CCDC171: variants seen among roughly 807,000 people sequenced by gnomAD.
The protein encoded by CCDC171 is coiled-coil domain-containing protein 171.
In CCDC171, 177 loss-of-function variants were observed where a neutral mutation model predicts 168.2. The ratio of observed to expected loss-of-function variants is 1.05; its 90% CI spans 0.93 to 1.19. The LOEUF (loss-of-function observed/expected upper bound fraction) is 1.19, where lower values mean the gene tolerates loss of function less well. Ranked by LOEUF, CCDC171 falls within the 50% of genes most tolerant of loss-of-function variation. The pLI is 0.00. For synonymous variants in CCDC171, 687 were observed against 540.8 expected (o/e 1.27, Z -3.75); for missense variants, 1,991 against 1,539.0 (o/e 1.29, Z -4.91).
chr9:15,957,364 C>G (rs1255380608), intron 25 of CCDC171, among the ~76,000 whole-genome samples: 1 of 152,124 alleles, frequency 6.6e-6, no homozygotes, highest in African/African-American at 2.4e-5. Context: ...GAGACAGAGA[C>G]CTGTCACAAA....
chr9:15,903,227 T>C (rs1442003955), intron 24 of CCDC171, among the ~76,000 whole-genome samples: 1 of 152,218 alleles, frequency 6.6e-6, no homozygotes, highest in Non-Finnish European at 1.5e-5. Context: ...ACGGACAGAC[T>C]GCCTCCTCAA....
At chr9:15,593,805 G>A (rs571145938) in intron 5 of CCDC171, among the ~76,000 whole-genome samples, 21 of 151,906 alleles carry the variant, frequency 1.4e-4, no homozygotes, top group African/African-American at 4.3e-4. Context: ...TTATATATAG[G>A]TAATAGGTAA....
chr9:16,067,891 T>G, the CCDC171 span, among the ~76,000 whole-genome samples: 3 of 152,146 alleles, frequency 2.0e-5, no homozygotes, highest in South Asian at 6.2e-4. Context: ...TGAAGTCAGG[T>G]AGTGTGATGC....
At chr9:15,680,388 T>G (rs1217036665) in intron 10 of CCDC171, among the ~76,000 whole-genome samples, 1 of 152,154 alleles carries the variant, frequency 6.6e-6, no homozygotes, top group African/African-American at 2.4e-5. Context: ...TCCAAAAGTT[T>G]TAGTGATTTA....
At chr9:15,569,848 A>C (rs867789158) in intron 2 of CCDC171, among the ~76,000 whole-genome samples, 4 of 137,722 alleles carry the variant, frequency 2.9e-5, no homozygotes, top group African/African-American at 9.7e-5. Flanking sequence ...CAAACAAACA[A>C]AAAAAAAATT....
At chr9:15,799,331 T>C (rs2058709458) in intron 21 of CCDC171, among the ~76,000 whole-genome samples, 1 of 151,346 alleles carries the variant, frequency 6.6e-6, no homozygotes, top group Non-Finnish European at 1.5e-5. Flanking sequence ...GCACTTTAAA[T>C]ATGTTGTTCC....
the CCDC171 span, among the ~76,000 whole-genome samples, chr9:16,077,350 A>C: frequency 6.6e-6 from 1 of 152,146 alleles, no homozygotes; most frequent in Admixed American, 6.5e-5. Flanking sequence ...ATTGGTCCCA[A>C]TTCTCTGCTC....
intron 1 of CCDC171, among the ~76,000 whole-genome samples, chr9:16,055,977 C>T (rs1291512507): frequency 1.3e-5 from 2 of 152,208 alleles, no homozygotes; most frequent in Non-Finnish European, 2.9e-5. Context: ...AAATATTCTG[C>T]AGCCATTTAT....
Position 15,683,142 on chromosome 9 carries a change from A to G in CCDC171, c.1215+4246A>G, listed in dbSNP as rs147655387. 5.3e-5 allele frequency among the ~76,000 whole-genome samples: 8 copies of G among 152,140 alleles called. 1 individual carries two copies. In the East Asian group the frequency reaches 7.7e-4, roughly 15 times the overall value. On this transcript the variant is annotated intron_variant, in intron 10 of 25. Transcript: ENST00000380701. ...GTTACAGCTCTAGGAGAGACTTTAT[A>G]TTGAAAAGGGAATTCTAGTTCTCAG...
intron 25 of CCDC171, among the ~76,000 whole-genome samples, chr9:15,948,058 G>A (rs1322557217): frequency 6.7e-6 from 1 of 149,816 alleles, no homozygotes; most frequent in African/African-American, 2.5e-5. Flanking sequence ...TCCCACCTAT[G>A]AGTGAGAATA....
chr9:15,998,980 T>C (rs931292208), intron 3 of CCDC171, among the ~76,000 whole-genome samples: 3 of 152,146 alleles, frequency 2.0e-5, no homozygotes, highest in African/African-American at 7.2e-5. Context: ...TAAATTTTAT[T>C]TTGACACTCT....
At chr9:15,590,679 G>A (rs2041911353) in intron 4 of CCDC171, among the ~76,000 whole-genome samples, 1 of 152,130 alleles carries the variant, frequency 6.6e-6, no homozygotes, top group South Asian at 2.1e-4. Context: ...GTTGTCAATA[G>A]TCAAATATAA....
chr9:15,928,800 C>G (rs1564015105), intron 25 of CCDC171, among the ~76,000 whole-genome samples: 1 of 151,470 alleles, frequency 6.6e-6, no homozygotes, highest in East Asian at 1.9e-4. Flanking sequence ...TTTTTTGATC[C>G]TTGGCATATA....
At chr9:15,765,410 C>T (rs1349082136) in intron 18 of CCDC171, among the ~76,000 whole-genome samples, 2 of 151,990 alleles carry the variant, frequency 1.3e-5, no homozygotes, top group African/African-American at 4.8e-5. Flanking sequence ...TGGCAGATGT[C>T]AAGTCTCTGA....
chr9:15,873,041 A>G (rs1481078541), intron 23 of CCDC171, among the ~76,000 whole-genome samples: 1 of 152,072 alleles, frequency 6.6e-6, no homozygotes, highest in Non-Finnish European at 1.5e-5. Flanking sequence ...TGGTACTCAC[A>G]TCATTATAAA....
At chr9:16,012,179 G>A (rs1009506334) in intron 3 of CCDC171, among the ~76,000 whole-genome samples, 1 of 152,190 alleles carries the variant, frequency 6.6e-6, no homozygotes, top group Admixed American at 6.5e-5. Flanking sequence ...CTGAAGGAGT[G>A]TGTCTCATGT....
intron 7 of CCDC171, among the ~76,000 whole-genome samples, chr9:15,633,772 C>T (rs1028075984): frequency 1.3e-5 from 2 of 152,140 alleles, no homozygotes; most frequent in African/African-American, 4.8e-5. Flanking sequence ...TTGGAACCAA[C>T]CCAAATGTCC....
intron 21 of CCDC171, among the ~76,000 whole-genome samples, chr9:15,810,402 C>T (rs1016375256): frequency 1.3e-5 from 2 of 152,028 alleles, no homozygotes; most frequent in African/African-American, 4.8e-5. Flanking sequence ...TGCCTGCACT[C>T]CTCAGCCCTT....
intron 6 of CCDC171, among the ~76,000 whole-genome samples, chr9:15,610,444 TAAAAAAAAAAA>T (rs754593075): frequency 2.6e-3 from 33 of 12,714 alleles, no homozygotes; most frequent in Admixed American, 7.1e-3. Context: ...CCATCTCAAC[TAAAAAAAAAAA>T]AAAAAAAAAA....
Sources: gnomAD v4.1 joint callset for allele counts (sites outside exome capture counted in the v4.1 genomes callset) on GRCh38, gnomAD v4.1.1 for gene constraint, MANE v1.5 for transcripts, NCBI Gene and HGNC (gene_info 2026-07-23, HGNC 2026-07-21) for gene names.